Variants in PTPN4 observed in about 807,000 individuals in gnomAD.
The protein encoded by PTPN4 is tyrosine-protein phosphatase non-receptor type 4.
In PTPN4, 49 loss-of-function variants were observed where a neutral mutation model predicts 135.5. The ratio of observed to expected loss-of-function variants is 0.36; its 90% confidence interval spans 0.29 to 0.46. PTPN4 has a LOEUF of 0.46. Among genes scored for constraint, PTPN4 ranks in the 20% least tolerant of loss-of-function variants. The pLI, the probability that PTPN4 is intolerant of heterozygous loss-of-function variation, is 1.00. For missense variants in PTPN4, 860 were observed against 1,101.0 expected, an observed-to-expected ratio of 0.78 and a Z score of 3.10; for synonymous variants, 333 against 369.9, an observed-to-expected ratio of 0.90 and a Z score of 1.14.
intron 3 of PTPN4, among the ~76,000 whole-genome samples, chr2:119,865,741 C>T (rs1396230889): frequency 1.3e-5 from 2 of 151,996 alleles, no homozygotes; most frequent in Non-Finnish European, 2.9e-5. Context: ...GTTACATATA[C>T]ATATGCACAT....
intron 5 of PTPN4, among the ~76,000 whole-genome samples, chr2:119,878,954 G>A (rs555916950): frequency 2.3e-4 from 35 of 151,978 alleles, no homozygotes; most frequent in Non-Finnish European, 4.1e-4. Flanking sequence ...TTAGCCGGGT[G>A]TGGTGGCAGG....
At chr2:119,835,440 C>T (rs981907106) in intron 2 of PTPN4, among the ~76,000 whole-genome samples, 1 of 152,088 alleles carries the variant, frequency 6.6e-6, no homozygotes, top group Non-Finnish European at 1.5e-5. Flanking sequence ...GCCTCGGTCC[C>T]GAAGTGCTGG....
intron 3 of PTPN4, among the ~76,000 whole-genome samples, chr2:119,870,528 C>T (rs564789972): frequency 3.7e-4 from 56 of 152,196 alleles, no homozygotes; most frequent in Admixed American, 1.6e-3. Context: ...TCTGGATAAA[C>T]TTAGCCAGAT....
chr2:119,849,326 G>A (rs1191853405), intron 2 of PTPN4, among the ~76,000 whole-genome samples: 1 of 151,758 alleles, frequency 6.6e-6, no homozygotes, highest in Non-Finnish European at 1.5e-5. Flanking sequence ...TTTGAGATAG[G>A]GTGTTGCTTT....
intron 3 of PTPN4, among the ~76,000 whole-genome samples, chr2:119,876,602 A>AT (rs949877601): frequency 1.6e-4 from 24 of 151,458 alleles, no homozygotes; most frequent in South Asian, 4.2e-4. Flanking sequence ...GGGTTCTTTG[A>AT]TTTTTTTTTA....
At position 119,768,335 on chromosome 2, in the gene PTPN4, C is replaced by T. The variant is rs1450298649; in HGVS notation, c.-18+7951C>T. On this transcript the variant is annotated intron_variant, in intron 1 of 26. Transcript: ENST00000263708. ...CCCAGCTCTGAAATCATTTATTTTT[C>T]CAAGGAATCCTGATTTTATTTTACT... is the stretch of plus-strand genomic sequence containing the variant. Among the ~76,000 whole-genome samples the T allele has an allele frequency of 2.0e-5, 3 of 152,168 alleles. No homozygotes were observed. In the East Asian group the frequency reaches 5.8e-4, roughly 29 times the overall value.
chr2:119,861,832 AT>A (rs1677764287), intron 2 of PTPN4, among the ~76,000 whole-genome samples: 1 of 152,100 alleles, frequency 6.6e-6, no homozygotes, highest in South Asian at 2.1e-4. Flanking sequence ...GGGAAGTTGT[AT>A]TTACTCTTTA....
intron 2 of PTPN4, among the ~76,000 whole-genome samples, chr2:119,837,276 G>C (rs576931938): frequency 9.9e-5 from 15 of 152,188 alleles, no homozygotes; most frequent in African/African-American, 3.6e-4. Flanking sequence ...AGGTCTCCTC[G>C]ACTCTTCGAG....
chr2:119,824,259 G>A (rs1350328285), intron 2 of PTPN4, among the ~76,000 whole-genome samples: 1 of 152,160 alleles, frequency 6.6e-6, no homozygotes, highest in Non-Finnish European at 1.5e-5. Flanking sequence ...CACTTAAAAA[G>A]GATGTCTGTT....
chr2:119,763,551 C>T (rs969225978), intron 1 of PTPN4, among the ~76,000 whole-genome samples: 2 of 152,282 alleles, frequency 1.3e-5, no homozygotes, highest in Admixed American at 6.5e-5. Context: ...AATAACTTGT[C>T]TAGGCTCATA....
In PTPN4 at chr2:119,980,992, G is replaced by T. The variant is rs1679684049; in HGVS notation, c.*3922G>T. On this transcript the variant is annotated 3_prime_UTR_variant, in exon 27 of 27. Coordinates refer to ENST00000263708, the MANE Select transcript of PTPN4 (RefSeq NM_002830.4). ...ATTACTTGTTTTATAATATCAGGAA[G>T]AGAGAAGGAAACATTAGTTTATAAC... 6.6e-6 allele frequency: 1 copy of T among 152,006 alleles called. No individual in the cohort carries two copies. The highest frequency in any genetic ancestry group is 2.1e-4 in the South Asian group (1 of 4,836). The allele number at this position is 152,006 out of a possible 1,614,324, so 9.4% of individuals were successfully genotyped here.
At chr2:119,834,687 C>T (rs1258221055) in intron 2 of PTPN4, among the ~76,000 whole-genome samples, 2 of 152,100 alleles carry the variant, frequency 1.3e-5, no homozygotes, top group East Asian at 1.9e-4. Context: ...AGCATGGACT[C>T]TGGAGCTTGA....
chr2:119,905,232 A>G (rs767648047), intron 10 of PTPN4, among the ~76,000 whole-genome samples: 1 of 152,204 alleles, frequency 6.6e-6, no homozygotes, highest in Admixed American at 6.5e-5. Flanking sequence ...ACCGAATTCT[A>G]TGCTACCTAC....
At chr2:119,834,732 G>T (rs1243109061) in intron 2 of PTPN4, among the ~76,000 whole-genome samples, 1 of 152,060 alleles carries the variant, frequency 6.6e-6, no homozygotes, top group African/African-American at 2.4e-5. Context: ...TGCCACTCAT[G>T]ACCTGAATGA....
chr2:119,917,847 C>T (rs979638263), intron 11 of PTPN4, among the ~76,000 whole-genome samples: 42 of 152,186 alleles, frequency 2.8e-4, no homozygotes, highest in Admixed American at 1.8e-3. Flanking sequence ...AAACTTCATA[C>T]GATATACTTA....
intron 1 of PTPN4, among the ~76,000 whole-genome samples, chr2:119,778,662 A>G (rs999421769): frequency 1.3e-5 from 2 of 152,204 alleles, no homozygotes; most frequent in African/African-American, 4.8e-5. Flanking sequence ...GTTAAATAAA[A>G]AAGGAAAAGC....
At chr2:119,897,098 T>C (rs1678335944) in intron 9 of PTPN4, among the ~76,000 whole-genome samples, 1 of 152,140 alleles carries the variant, frequency 6.6e-6, no homozygotes, top group Non-Finnish European at 1.5e-5. Flanking sequence ...TTTTGTTTTT[T>C]GTTTGTTTGT....
chr2:119,805,130 G>T (rs1425680120), intron 1 of PTPN4, among the ~76,000 whole-genome samples: 1 of 152,100 alleles, frequency 6.6e-6, no homozygotes, highest in African/African-American at 2.4e-5. Context: ...TTTTGATGGG[G>T]TTGTTTGTTT....
Position 119,932,402 on chromosome 2 carries a change from ATTAT to A in PTPN4, c.1071-18_1071-15del. 6.5e-7 allele frequency: 1 copy of A among 1,550,194 alleles called. No homozygotes were observed. The highest frequency in any genetic ancestry group is 8.7e-7 in the Non-Finnish European group (1 of 1,148,554). ...GGTATAAAAATAAAACTTTTAACAT[ATTAT>A]TTAATTTATTTCTGCAGATCCCCAA... is the stretch of plus-strand genomic sequence containing the variant. On this transcript the variant is annotated intron_variant, in intron 13 of 26. Coordinates refer to ENST00000263708, the MANE Select transcript of PTPN4 (RefSeq NM_002830.4).
Sources: allele counts gnomAD v4.1 joint callset (sites outside exome capture counted in the v4.1 genomes callset), GRCh38; gene constraint gnomAD v4.1.1; transcripts MANE v1.5; gene names NCBI Gene and HGNC (gene_info 2026-07-23, HGNC 2026-07-21).